Variants in NAV3 observed in about 807,000 individuals in gnomAD.
NAV3 encodes the protein pore membrane and/or filament interacting like protein 1.
Under a neutral mutation model 244.7 loss-of-function variants are expected in NAV3, and 87 were observed. The ratio of observed to expected loss-of-function variants is 0.36; its 90% CI spans 0.30 to 0.42. The LOEUF (loss-of-function observed/expected upper bound fraction) is 0.42, where lower values mean the gene tolerates loss of function less well. Ranked by LOEUF, NAV3 falls within the 20% of genes least tolerant of loss-of-function variation. NAV3 has a pLI of 1.00. For missense variants in NAV3, 2,663 were observed against 2,893.3 expected, an observed-to-expected ratio of 0.92 and a Z score of 1.83; for synonymous variants, 1,126 against 1,042.2, an observed-to-expected ratio of 1.08 and a Z score of -1.55.
In NAV3 at chr12:78,199,418, T is replaced by C. The variant is rs1594023003; in HGVS notation, c.6602T>C (p.Ile2201Thr). The change falls in exon 37 of 40, where the codon ATT (isoleucine) becomes ACT (threonine). Residue 2201 changes from isoleucine to threonine, a missense_variant. This residue lies in a region of NAV3 where 543 missense variants were observed against 672.4 expected (regional missense o/e 0.81). Transcript: ENST00000397909. The stretch of plus-strand genomic sequence containing the variant: ...CGAAGAAAACTCATAGAGATAGAAA[T>C]TGAAAGGAACATTCGCAATAATGAC... ...YLRRKLIEIE[I>T]ERNIRNNDLV... 3 of 1,611,380 alleles carry C rather than the reference T, an allele frequency of 1.9e-6. No homozygotes were observed. Among genetic ancestry groups the C allele is most frequent in the East Asian group, 2.2e-5 (1 of 44,728 alleles).
intron 23 of NAV3, among the ~76,000 whole-genome samples, chr12:78,159,591 C>T (rs1343664715): frequency 6.6e-6 from 1 of 151,936 alleles, no homozygotes; most frequent in Non-Finnish European, 1.5e-5. Flanking sequence ...ATCACTTGAA[C>T]CCAGGAGGCA....
At chr12:77,771,214 A>G (rs997618338) in intron 2 of NAV3, among the ~76,000 whole-genome samples, 2 of 152,206 alleles carry the variant, frequency 1.3e-5, no homozygotes, top group Admixed American at 6.5e-5. Context: ...CCACAATGAG[A>G]TACCATCTCA....
intron 1 of NAV3, among the ~76,000 whole-genome samples, chr12:77,854,595 G>GTGTA (rs1176102246): frequency 1.4e-5 from 2 of 146,684 alleles, no homozygotes; most frequent in Non-Finnish European, 3.1e-5. Flanking sequence ...GTATGTGTGT[G>GTGTA]TGTGTGTGTG....
intron 2 of NAV3, among the ~76,000 whole-genome samples, chr12:77,725,411 T>C (rs750183046): frequency 6.6e-6 from 1 of 151,990 alleles, no homozygotes; most frequent in African/African-American, 2.4e-5. Flanking sequence ...ATAAAATTTC[T>C]CTGGATATTT....
intron 29 of NAV3, among the ~76,000 whole-genome samples, chr12:78,180,059 G>T (rs1381389413): frequency 6.6e-6 from 1 of 151,994 alleles, no homozygotes; most frequent in Non-Finnish European, 1.5e-5. Context: ...ACTTTCACCA[G>T]TTTTCTACTG....
At chr12:77,612,669 T>A (rs1870967130) in intron 2 of NAV3, among the ~76,000 whole-genome samples, 1 of 152,118 alleles carries the variant, frequency 6.6e-6, no homozygotes, top group African/African-American at 2.4e-5. Context: ...ATTGCTTTAT[T>A]TTATAGAATT....
chr12:77,595,056 T>C (rs1394956470), intron 2 of NAV3, among the ~76,000 whole-genome samples: 2 of 152,168 alleles, frequency 1.3e-5, no homozygotes, highest in Non-Finnish European at 2.9e-5. Flanking sequence ...CTCTTCTAGG[T>C]ATATGCCTAA....
At position 78,017,866 on chromosome 12, in the gene NAV3, CT is replaced by C. The variant is rs372257448; in HGVS notation, c.1908-3878del. Among the ~76,000 whole-genome samples the C allele has an allele frequency of 4.8e-3, 726 of 152,262 alleles. 4 individuals are homozygous for C. Among genetic ancestry groups the C allele is most frequent in the African/African-American group, 0.016 (668 of 41,564 alleles). The stretch of plus-strand genomic sequence containing the variant: ...TTGATCATTTGCATAAAAGGTACAT[CT>C]TTACCAGTTGGCATTGATTGATCCT... On this transcript the variant is annotated intron_variant, in intron 8 of 39. Coordinates refer to ENST00000397909, the MANE Select transcript of NAV3 (RefSeq NM_001024383.2).
At chr12:77,692,720 C>A (rs181293294) in intron 2 of NAV3, among the ~76,000 whole-genome samples, 1 of 152,062 alleles carries the variant, frequency 6.6e-6, no homozygotes, top group African/African-American at 2.4e-5. Flanking sequence ...TTCTTGAGTG[C>A]TGTTAGTTTA....
chr12:77,716,022 G>A (rs75041286), intron 2 of NAV3, among the ~76,000 whole-genome samples: 3,799 of 152,040 alleles, frequency 0.025, 91 homozygotes, highest in African/African-American at 0.06. Context: ...CTTGTAACAT[G>A]TATCTATGTG....
At chr12:78,138,848 G>T (rs150541465) in intron 19 of NAV3, among the ~76,000 whole-genome samples, 3 of 152,218 alleles carry the variant, frequency 2.0e-5, no homozygotes, top group East Asian at 3.9e-4. Context: ...TTGTGCTCAC[G>T]CATTGAATAC....
At chr12:78,189,961 T>A in intron 33 of NAV3, 23 bp from the exon 34 acceptor site, 1 of 1,547,186 alleles carries the variant, frequency 6.5e-7, no homozygotes, top group Non-Finnish European at 8.9e-7. Context: ...TAAATCATGC[T>A]ATTTTTTTGT....
rs577073718 is a variant in NAV3, at chr12:78,169,795, C to T, written c.4981+929C>T. ...TAAATTCAGTAAAACGTTTATAATT[C>T]TTATTGTATTAGACAGACATGGAAA... is the stretch of plus-strand genomic sequence containing the variant. On this transcript the variant is annotated intron_variant, in intron 24 of 39. Coordinates refer to ENST00000397909, the MANE Select transcript of NAV3 (RefSeq NM_001024383.2). Among the ~76,000 whole-genome samples the T allele has an allele frequency of 4.0e-5, 6 of 151,778 alleles. No individual in the cohort carries two copies. In the East Asian group the frequency reaches 1.2e-3, roughly 29 times the overall value.
chr12:78,201,407 A>G (rs1179897639), intron 38 of NAV3, among the ~76,000 whole-genome samples: 1 of 151,718 alleles, frequency 6.6e-6, no homozygotes, highest in Non-Finnish European at 1.5e-5. Flanking sequence ...ATCCTTTACT[A>G]TTTTGGAGAG....
Position 78,021,813 on chromosome 12 carries a change from G to T in NAV3, c.1974G>T (p.Met658Ile). 1.2e-6 allele frequency: 2 copies of T among 1,611,178 alleles called. No homozygotes were observed. The highest frequency in any genetic ancestry group is 8.5e-7 in the Non-Finnish European group (1 of 1,178,504). Reference protein sequence around the residue: ...SADSCTSPTKMDLSYSKTAKQ... With the variant: ...SADSCTSPTKIDLSYSKTAKQ... ...ACTCCTGTACCAGTCCTACAAAGAT[G>T]GACTTATCATATAGTAAGACTGCTA... The change falls in exon 9 of 40, where the codon ATG (methionine) becomes ATT (isoleucine). Residue 658 changes from methionine to isoleucine, a missense_variant. By Grantham distance (10) the Met-to-Ile change is conservative (BLOSUM62 1). This residue lies in a region of NAV3 where 1,521 missense variants were observed against 1,497.0 expected (regional missense o/e 1.02). Coordinates refer to ENST00000397909, the MANE Select transcript of NAV3 (RefSeq NM_001024383.2).
At position 77,994,842 on chromosome 12, in the gene NAV3, A is replaced by T. The variant is rs372275721; in HGVS notation, c.711A>T (p.Gly237=). The change falls in exon 6 of 40, where the codon GGA becomes GGT. Residue 237 remains glycine (G), a synonymous_variant. Transcript: ENST00000397909. ...ATGCAACTCAGTCTAATCACAGTGG[A>T]ATTGCAACCAGTCAAAAAAAGCCTA... ...ARYATQSNHS[G]IATSQKKPTR... The T allele has an allele frequency of 6.2e-7, 1 of 1,609,910 alleles. No homozygotes were observed. The highest frequency in any genetic ancestry group is 1.3e-5 in the African/African-American group (1 of 74,702).
At chr12:77,858,309 G>A (rs530922658) in intron 1 of NAV3, among the ~76,000 whole-genome samples, 1 of 152,158 alleles carries the variant, frequency 6.6e-6, no homozygotes, top group African/African-American at 2.4e-5. Context: ...GGGGGTTTAA[G>A]CGGAATTGGG....
At chr12:77,948,945 T>A (rs1890620734) in intron 3 of NAV3, among the ~76,000 whole-genome samples, 1 of 151,978 alleles carries the variant, frequency 6.6e-6, no homozygotes, top group African/African-American at 2.4e-5. Flanking sequence ...TATGCAAAAT[T>A]TATCTTTGAT....
chr12:77,802,570 A>G (rs191026155), intron 2 of NAV3, among the ~76,000 whole-genome samples: 1 of 152,380 alleles, frequency 6.6e-6, no homozygotes, highest in East Asian at 1.9e-4. Context: ...ATTATTCTCT[A>G]GCAATAAATT....
Sources: gnomAD v4.1 joint callset for allele counts (sites outside exome capture counted in the v4.1 genomes callset) on GRCh38, gnomAD v4.1.1 for gene constraint, gnomAD v4.1.1 regional missense constraint, MANE v1.5 for transcripts, NCBI Gene and HGNC (gene_info 2026-07-23, HGNC 2026-07-21) for gene names.